ARHGAP15: variants seen among roughly 807,000 people sequenced by gnomAD.
ARHGAP15 encodes rho GTPase-activating protein 15.
Under a neutral mutation model 63.7 loss-of-function variants are expected in ARHGAP15, and 51 were observed. The observed-to-expected ratio is 0.80, with a 90% CI of 0.64 to 1.01. The LOEUF (loss-of-function observed/expected upper bound fraction) is 1.01. Among genes scored for constraint, ARHGAP15 ranks in the 50% least tolerant of loss-of-function variants. The pLI, the probability that ARHGAP15 is intolerant of heterozygous loss-of-function variation, is 0.00. For missense variants in ARHGAP15, 560 were observed against 564.6 expected (o/e 0.99, Z 0.08); for synonymous variants, 191 against 193.8 (o/e 0.99, Z 0.12).
At position 143,166,223 on chromosome 2, in the gene ARHGAP15, T is replaced by C. The variant is rs571095837; in HGVS notation, c.165+10568T>C. Reference sequence around the variant, plus strand: ...CTTGCTGTTGTTATTTTCACCCTAGTGTCCTCTAATAGTTTATAGATCCTA... The same window carrying C: ...CTTGCTGTTGTTATTTTCACCCTAGCGTCCTCTAATAGTTTATAGATCCTA... On this transcript the variant is annotated intron_variant, in intron 2 of 13. Transcript: ENST00000295095. Among the ~76,000 whole-genome samples, 11 of 152,166 alleles carry C rather than the reference T, an allele frequency of 7.2e-5. No individual in the cohort carries two copies. The South Asian group carries it at 2.3e-3, about 32-fold the overall frequency.
intron 6 of ARHGAP15, among the ~76,000 whole-genome samples, chr2:143,327,752 C>G (rs777427827): frequency 3.3e-5 from 5 of 152,136 alleles, no homozygotes; most frequent in Non-Finnish European, 7.4e-5. Flanking sequence ...CCAAAATTCA[C>G]AAATGTGATC....
At chr2:143,545,091 C>T (rs1695272009) in intron 10 of ARHGAP15, among the ~76,000 whole-genome samples, 1 of 152,182 alleles carries the variant, frequency 6.6e-6, no homozygotes. Context: ...CTAAATAGGA[C>T]TTTGCTGATG....
intron 13 of ARHGAP15, among the ~76,000 whole-genome samples, chr2:143,753,587 AT>A (rs1686464065): frequency 2.0e-5 from 3 of 152,236 alleles, no homozygotes; most frequent in East Asian, 1.9e-4. Context: ...ATAAATTTAT[AT>A]GTGTAAATGC....
intron 6 of ARHGAP15, among the ~76,000 whole-genome samples, chr2:143,333,136 C>T (rs934291552): frequency 2.6e-5 from 4 of 152,086 alleles, no homozygotes; most frequent in African/African-American, 7.2e-5. Context: ...CTTGGGCAAT[C>T]CTTTGTGAAT....
chr2:143,765,724 G>A (rs570900665), intron 13 of ARHGAP15, among the ~76,000 whole-genome samples: 9 of 152,144 alleles, frequency 5.9e-5, no homozygotes, highest in African/African-American at 9.6e-5. Context: ...GTGAAAAGCC[G>A]GCCCAGTTAC....
At chr2:143,486,731 C>G (rs1692344005) in intron 8 of ARHGAP15, among the ~76,000 whole-genome samples, 1 of 152,160 alleles carries the variant, frequency 6.6e-6, no homozygotes, top group Non-Finnish European at 1.5e-5. Flanking sequence ...GAATTTTACA[C>G]ACACCTGACT....
rs1184215803 is a variant in ARHGAP15 at position 143,518,436 on chromosome 2, C to G, written c.827-830C>G. Among the ~76,000 whole-genome samples, 4 of 152,208 alleles carry G rather than the reference C, an allele frequency of 2.6e-5. No homozygotes were observed. The East Asian group carries it at 7.7e-4, about 29-fold the overall frequency. ...AGTCTGGAGACATGCTCTCTGAAAT[C>G]AAAGGATGTTGCTCAAATAAGTTTG... On this transcript the variant is annotated intron_variant, in intron 9 of 13. Coordinates refer to ENST00000295095, the MANE Select transcript of ARHGAP15 (RefSeq NM_018460.4).
chr2:143,760,706 C>T (rs146150167), intron 13 of ARHGAP15, among the ~76,000 whole-genome samples: 1,726 of 152,168 alleles, frequency 0.011, 33 homozygotes, highest in African/African-American at 0.039. Context: ...CCATATAACG[C>T]TCCTTTGCTA....
chr2:143,556,715 T>C (rs1574629976), intron 11 of ARHGAP15, among the ~76,000 whole-genome samples: 1 of 151,740 alleles, frequency 6.6e-6, no homozygotes, highest in East Asian at 1.9e-4. Flanking sequence ...AAATAATGAA[T>C]GGAACATGTC....
rs945048739 is a variant in ARHGAP15 at position 143,129,478 on chromosome 2, C to T, written c.-15+12C>T. On this transcript the variant is annotated intron_variant, in intron 1 of 13. Transcript: ENST00000295095. ...ATTGCCGAGAAAAGGTAAGTTTTAA[C>T]TTTATATTGTACATGAAATTTAAAC... 8 of 152,130 alleles carry T rather than the reference C, an allele frequency of 5.3e-5. No homozygotes were observed. Among genetic ancestry groups the T allele is most frequent in the South Asian group, 2.1e-4 (1 of 4,830 alleles). The allele number at this position is 152,130 out of a possible 1,614,324, so 9.4% of individuals were successfully genotyped here.
At chr2:143,150,472 A>G (rs377487631) in intron 1 of ARHGAP15, among the ~76,000 whole-genome samples, 3 of 152,026 alleles carry the variant, frequency 2.0e-5, no homozygotes, top group East Asian at 1.9e-4. Context: ...TATGAAGTGC[A>G]TTCTCATTAC....
At chr2:143,345,121 A>G (rs552261218) in intron 6 of ARHGAP15, among the ~76,000 whole-genome samples, 77 of 152,262 alleles carry the variant, frequency 5.1e-4, no homozygotes, top group African/African-American at 1.8e-3. Context: ...AAAGTCACCC[A>G]GCATTATTAT....
intron 11 of ARHGAP15, among the ~76,000 whole-genome samples, chr2:143,566,976 T>C (rs370032588): frequency 1.2e-4 from 18 of 151,774 alleles, no homozygotes; most frequent in African/African-American, 3.1e-4. Flanking sequence ...CCCGGGTTCA[T>C]GCCATTCTCC....
chr2:143,519,540 G>T (rs1693971134), intron 10 of ARHGAP15, 176 bp downstream of exon 10: 1 of 478,032 alleles, frequency 2.1e-6, no homozygotes, highest in East Asian at 3.9e-5. Flanking sequence ...TTACAATAGG[G>T]ACATTAGTAA....
At chr2:143,583,898 A>G (rs1259025795) in intron 11 of ARHGAP15, among the ~76,000 whole-genome samples, 3 of 152,194 alleles carry the variant, frequency 2.0e-5, no homozygotes, top group Non-Finnish European at 4.4e-5. Flanking sequence ...TTCCTCTGTC[A>G]TTTCTCACAA....
At chr2:143,656,934 G>GGTGTGTGTGTGCGTGTGTGTGTGT (rs1681468180) in intron 12 of ARHGAP15, among the ~76,000 whole-genome samples, 1 of 144,936 alleles carries the variant, frequency 6.9e-6, no homozygotes, top group Non-Finnish European at 1.5e-5. Context: ...CAAAGTTTCT[G>GGTGTGTGTGTGCGTGTGTGTGTGT]GTGTGTGTGT....
At chr2:143,578,635 G>T (rs1289279277) in intron 11 of ARHGAP15, among the ~76,000 whole-genome samples, 2 of 152,170 alleles carry the variant, frequency 1.3e-5, no homozygotes, top group African/African-American at 2.4e-5. Context: ...TGCAGAAGAA[G>T]ATGCTTTTAT....
At chr2:143,161,754 G>A (rs1395566812) in intron 2 of ARHGAP15, among the ~76,000 whole-genome samples, 1 of 151,968 alleles carries the variant, frequency 6.6e-6, no homozygotes, top group East Asian at 1.9e-4. Flanking sequence ...AACGGAGCAA[G>A]AAGCTGTTCT....
intron 12 of ARHGAP15, among the ~76,000 whole-genome samples, chr2:143,669,622 T>C (rs1209190908): frequency 1.3e-5 from 2 of 152,208 alleles, no homozygotes; most frequent in Admixed American, 6.5e-5. Context: ...GTCCCCACAA[T>C]GCTGGAAGGG....
Sources: gnomAD v4.1 joint callset for allele counts (sites outside exome capture counted in the v4.1 genomes callset) on GRCh38, gnomAD v4.1.1 for gene constraint, MANE v1.5 for transcripts, NCBI Gene and HGNC (gene_info 2026-07-23, HGNC 2026-07-21) for gene names.